LARP1: variants seen among roughly 807,000 people sequenced by gnomAD.
LARP1 encodes La ribonucleoprotein 1, translational regulator, also known as la-related protein 1.
LARP1 carries 36 observed loss-of-function variants against 122.7 expected under a neutral mutation model. The ratio of observed to expected loss-of-function variants is 0.29; its 90% CI spans 0.22 to 0.39. The LOEUF (loss-of-function observed/expected upper bound fraction) is 0.39. Ranked by LOEUF, LARP1 falls within the 10% of genes least tolerant of loss-of-function variation. LARP1 has a pLI of 1.00. For synonymous variants in LARP1, 539 were observed against 528.7 expected (o/e 1.02, Z -0.27); for missense variants, 1,040 against 1,403.6 (o/e 0.74, Z 4.14).
Position 154,755,497 on chromosome 5 carries a change from G to A in LARP1, c.-261G>A. The A allele has an allele frequency of 1.4e-5, 13 of 932,798 alleles. No homozygotes were observed. Among genetic ancestry groups the A allele is most frequent in the Non-Finnish European group, 1.5e-5 (12 of 781,094 alleles). The allele number at this position is 932,798 out of a possible 1,614,324, so 57.8% of individuals were successfully genotyped here. Reference sequence around the variant, plus strand: ...TGGGGGCGTCTTGCGAGGAACGGGCGGGGGGGGACGCACGCCTAGGAGGCC... The same window carrying A: ...TGGGGGCGTCTTGCGAGGAACGGGCAGGGGGGGACGCACGCCTAGGAGGCC... On this transcript the variant is annotated 5_prime_UTR_variant, in exon 1 of 19. Coordinates refer to ENST00000518297, the MANE Select transcript of LARP1 (RefSeq NM_033551.3).
chr5:154,754,918 C>T (rs1582289370), upstream of LARP1, among the ~76,000 whole-genome samples: 1 of 152,202 alleles, frequency 6.6e-6, no homozygotes, highest in Non-Finnish European at 1.5e-5. Flanking sequence ...GGCTCCTTCC[C>T]CTGAATCTGA....
At chr5:154,731,216 G>A (rs1486206783) in intron 1 of LARP1, among the ~76,000 whole-genome samples, 1 of 152,062 alleles carries the variant, frequency 6.6e-6, no homozygotes, top group African/African-American at 2.4e-5. Flanking sequence ...CATGCATAGA[G>A]TAAAAAGATA....
In LARP1 at chr5:154,808,123, T is replaced by C. The variant is rs78899538; in HGVS notation, c.2699-336T>C. Among the ~76,000 whole-genome samples, 811 of 152,340 alleles carry C rather than the reference T, an allele frequency of 5.3e-3. 6 individuals are homozygous for C. Among genetic ancestry groups the C allele is most frequent in the African/African-American group, 0.018 (764 of 41,582 alleles). On this transcript the variant is annotated intron_variant, in intron 15 of 18. Transcript: ENST00000518297. ...TATTGGTAATGAGCTAAATACAGTT[T>C]GTTAGAATTTACAAACAATTTGTTC...
intron 4 of LARP1, 21 bp from the exon 5 acceptor site, chr5:154,793,574 T>C: frequency 1.2e-6 from 2 of 1,614,164 alleles, no homozygotes; most frequent in Non-Finnish European, 1.7e-6. Context: ...GCCTTTCTCA[T>C]GTACCCATGC....
chr5:154,732,845 A>G (rs1272894209), intron 1 of LARP1, among the ~76,000 whole-genome samples: 1 of 152,230 alleles, frequency 6.6e-6, no homozygotes, highest in Non-Finnish European at 1.5e-5. Flanking sequence ...AGTGTTAATT[A>G]TACCACCATA....
chr5:154,706,116 C>T (rs1402456974), intron 1 of LARP1, among the ~76,000 whole-genome samples: 1 of 151,742 alleles, frequency 6.6e-6, no homozygotes, highest in African/African-American at 2.4e-5. Flanking sequence ...GCCAACACGG[C>T]GAAACCCCAT....
rs557490203 is a variant in LARP1 at position 154,803,955 on chromosome 5, C to T, written c.2439+210C>T. On this transcript the variant is annotated intron_variant, in intron 13 of 18. Coordinates refer to ENST00000518297, the MANE Select transcript of LARP1 (RefSeq NM_033551.3). This position sits in a 1 kb window ranked among gnomAD's most constrained non-coding sequence, Gnocchi z 4.4. The stretch of plus-strand genomic sequence containing the variant: ...GAGTGGTAACCCCATGTTGAAAGGC[C>T]TAAGGAGGATTGACCAGGTATGAGT... 1.5e-4 allele frequency among the ~76,000 whole-genome samples: 23 copies of T among 152,264 alleles called. No homozygotes were observed. Among genetic ancestry groups the T allele is most frequent in the African/African-American group, 5.1e-4 (21 of 41,548 alleles).
chr5:154,799,674 A>C lies in LARP1; in HGVS notation c.1461A>C (p.Pro487=). 6.2e-7 allele frequency: 1 copy of C among 1,614,192 alleles called. No individual in the cohort carries two copies. Among genetic ancestry groups the C allele is most frequent in the Non-Finnish European group, 8.5e-7 (1 of 1,180,024 alleles). ...AACCAGAAAAGTGGCCTCTTCCCCC[A>C]ATAGTGGATTATTCACAGACTGATT... is the stretch of plus-strand genomic sequence containing the variant. ...REEPEKWPLP[P]IVDYSQTDFS... Residue 487 remains proline (P), a synonymous_variant, in exon 9 of 19, where the codon CCA becomes CCC. Transcript: ENST00000518297.
chr5:154,758,999 C>G (rs1024148891), intron 1 of LARP1, among the ~76,000 whole-genome samples: 33 of 152,140 alleles, frequency 2.2e-4, no homozygotes, highest in African/African-American at 7.5e-4. Context: ...AGCCATACCC[C>G]TTTTAAGTAT....
intron 1 of LARP1, among the ~76,000 whole-genome samples, chr5:154,702,154 C>A (rs150729954): frequency 6.6e-6 from 1 of 152,142 alleles, no homozygotes; most frequent in African/African-American, 2.4e-5. Context: ...GTTTGAGTTA[C>A]GCCTCTGTCA....
At chr5:154,695,782 A>G (rs965617671) in intron 1 of LARP1, among the ~76,000 whole-genome samples, 1 of 152,126 alleles carries the variant, frequency 6.6e-6, no homozygotes, top group Non-Finnish European at 1.5e-5. Context: ...CTGAGGCAGG[A>G]GAATCCCTTG....
rs1007459733 is a variant in LARP1, at chr5:154,755,614, C to G, written c.-144C>G. 5 of 987,426 alleles carry G rather than the reference C, an allele frequency of 5.1e-6. No homozygotes were observed. In the African/African-American group the frequency reaches 7.0e-5, roughly 14 times the overall value. 61.2% of individuals were successfully genotyped at this position (987,426 alleles called of 1,614,324 possible). On this transcript the variant is annotated 5_prime_UTR_variant, in exon 1 of 19. Transcript: ENST00000518297. ...TGCATCTAACTGGGAGGGGGCCGCA[C>G]CTCGCGTGAACCCCGACCCTTCTCT...
chr5:154,723,086 C>T (rs180681095), intron 1 of LARP1, among the ~76,000 whole-genome samples: 7 of 152,306 alleles, frequency 4.6e-5, no homozygotes, highest in South Asian at 2.1e-4. Context: ...AGAGCCTGAA[C>T]GAAAGCCAAC....
chr5:154,793,558 C>CCT, intron 4 of LARP1, 37 bp from the exon 5 acceptor site: 1 of 1,613,968 alleles, frequency 6.2e-7, no homozygotes, highest in South Asian at 1.1e-5. Context: ...GTGGCCTCTC[C>CCT]CTCAAGCCTT....
chr5:154,792,652 A>T lies in LARP1; in HGVS notation c.595A>T (p.Lys199Ter). ...PQSHKPQPTR[K>*]LPPKKDMKEQ... ...GTCCCACAAGCCTCAGCCTACCCGT[A>T]AACTGCCACCCAAGAAGGACATGAA... is the stretch of plus-strand genomic sequence containing the variant. The change falls in exon 4 of 19, where the codon AAA becomes TAA. Residue 199 changes from lysine to a stop codon, truncating the protein, a stop_gained. Transcript: ENST00000518297. LOFTEE classifies it high-confidence loss of function. The T allele has an allele frequency of 6.2e-7, 1 of 1,614,146 alleles. No homozygotes were observed. Among genetic ancestry groups the T allele is most frequent in the Non-Finnish European group, 8.5e-7 (1 of 1,180,004 alleles).
chr5:154,724,472 C>G (rs879882449), intron 1 of LARP1, among the ~76,000 whole-genome samples: 1 of 152,160 alleles, frequency 6.6e-6, no homozygotes, highest in Non-Finnish European at 1.5e-5. Context: ...AAAGTGAAAA[C>G]AATTTACAAG....
chr5:154,689,224 C>T (rs939771810), intron 1 of LARP1, among the ~76,000 whole-genome samples: 2 of 152,046 alleles, frequency 1.3e-5, no homozygotes, highest in African/African-American at 4.8e-5. Context: ...GAGGCCTAGG[C>T]GGGTGGATCA....
intron 1 of LARP1, among the ~76,000 whole-genome samples, chr5:154,761,588 G>A (rs551171014): frequency 1.6e-4 from 25 of 152,266 alleles, no homozygotes; most frequent in African/African-American, 5.3e-4. Context: ...AGGGTGTTGG[G>A]GCCACTGGAG....
chr5:154,751,576 T>G (rs1164647226), upstream of LARP1, among the ~76,000 whole-genome samples: 1 of 152,362 alleles, frequency 6.6e-6, no homozygotes, highest in East Asian at 1.9e-4. Flanking sequence ...ACTGACTATT[T>G]GGTCATTACT....
Sources: allele counts gnomAD v4.1 joint callset (sites outside exome capture counted in the v4.1 genomes callset), GRCh38; gene constraint gnomAD v4.1.1; non-coding constraint Gnocchi (gnomAD v3.1); transcripts MANE v1.5; gene names NCBI Gene and HGNC (gene_info 2026-07-23, HGNC 2026-07-21).